NOC4L: variants seen among roughly 807,000 people sequenced by gnomAD.
The protein encoded by NOC4L is nucleolar complex protein 4 homolog.
Under a neutral mutation model 62.8 loss-of-function variants are expected in NOC4L, and 40 were observed. That is an observed-to-expected ratio of 0.64 (90% CI 0.49 to 0.83). The LOEUF (loss-of-function observed/expected upper bound fraction) is 0.83. NOC4L is among the 40% of genes least tolerant of loss of function. The probability of loss-of-function intolerance (pLI) is 0.00; values close to 1 mark genes in which losing one functional copy is unlikely to be tolerated. For synonymous variants in NOC4L, 433 were observed against 299.8 expected (o/e 1.44, Z -4.59); for missense variants, 927 against 701.9 (o/e 1.32, Z -3.62).
rs1185193633 is a variant in NOC4L at position 132,151,321 on chromosome 12, G to C, written c.1026G>C (p.Lys342Asn). The C allele has an allele frequency of 1.9e-6, 3 of 1,611,802 alleles. No individual in the cohort carries two copies. The highest frequency in any genetic ancestry group is 2.2e-5 in the South Asian group (2 of 91,088). Residue 342 changes from lysine (K) to asparagine (N), a missense_variant, in exon 11 of 15, where the codon AAG becomes AAC. Physicochemically the swap from Lys to Asn is moderately conservative, Grantham distance 94. Transcript: ENST00000330579. The stretch of plus-strand genomic sequence containing the variant: ...TGGACCCCTCTGTCTTTCACGTCAA[G>C]TACCGCGCCCGCTTCTTCCACCTGG... ...GLLDPSVFHV[K>N]YRARFFHLAD...
chr12:132,151,921 G>A (rs1171501415), intron 13 of NOC4L, 101 bp downstream of exon 13: 19 of 1,319,342 alleles, frequency 1.4e-5, no homozygotes, highest in Middle Eastern at 2.3e-4. Context: ...CTCATGTTGC[G>A]TCCCCAGCTG....
rs371477600 is a variant in NOC4L at position 132,151,560 on chromosome 12, C to T, written c.1150C>T (p.Leu384=). The part of the protein sequence containing the change: ...RLALTAPPEA[L]LMVLPFICNL... ...GGCCCTGACGGCTCCCCCTGAGGCC[C>T]TGCTCATGGTCCTGCCTTTCATCTG... The change falls in exon 12 of 15, where the codon CTG becomes TTG. Residue 384 remains leucine, a synonymous_variant. Coordinates refer to ENST00000330579, the MANE Select transcript of NOC4L (RefSeq NM_024078.3). 1.9e-6 allele frequency: 3 copies of T among 1,610,334 alleles called. No individual in the cohort carries two copies. Among genetic ancestry groups the T allele is most frequent in the East Asian group, 2.2e-5 (1 of 44,818 alleles).
At chr12:132,145,202 TTTGCACCCCTTTTGTAA>T (rs1897662919) in intron 2 of NOC4L, among the ~76,000 whole-genome samples, 2 of 152,318 alleles carry the variant, frequency 1.3e-5, no homozygotes, top group East Asian at 3.9e-4. Context: ...TTTTGTGTGC[TTTGCACCCCTTTTGTAA>T]TTTGATGTTG....
Position 132,145,548 on chromosome 12 carries a change from C to A in NOC4L, c.239-11C>A. On this transcript the variant is annotated splice_polypyrimidine_tract_variant and intron_variant, in intron 2 of 14. Transcript: ENST00000330579. The stretch of plus-strand genomic sequence containing the variant: ...GCCTCACGTGGGCTGACCACCCTAA[C>A]CTGTCTGCAGGGTCCCAGGGAGCCA... 1 of 1,600,850 alleles carries A rather than the reference C, an allele frequency of 6.2e-7. No individual in the cohort carries two copies. The highest frequency in any genetic ancestry group is 8.5e-7 in the Non-Finnish European group (1 of 1,170,234).
intron 3 of NOC4L, chr12:132,146,427 C>A: frequency 2.3e-6 from 1 of 442,686 alleles, no homozygotes; most frequent in Admixed American, 2.4e-5. Context: ...GGACTGTGAA[C>A]GTTCGCGTAC....
rs779791527 is a variant in NOC4L at position 132,151,564 on chromosome 12, T to A, written c.1154T>A (p.Leu385His). The change falls in exon 12 of 15, where the codon CTC (leucine) becomes CAC (histidine). Residue 385 changes from leucine (L) to histidine (H), a missense_variant. Transcript: ENST00000330579. ...LALTAPPEAL[L>H]MVLPFICNLL... is the part of the protein sequence containing the mutation. ...CTGACGGCTCCCCCTGAGGCCCTGCTCATGGTCCTGCCTTTCATCTGTAAC... is the reference window on the plus strand; with the variant it reads ...CTGACGGCTCCCCCTGAGGCCCTGCACATGGTCCTGCCTTTCATCTGTAAC... 1.9e-6 allele frequency: 3 copies of A among 1,610,604 alleles called. No homozygotes were observed. In the South Asian group the frequency reaches 3.3e-5, roughly 18 times the overall value.
intron 7 of NOC4L, 72 bp from the exon 8 acceptor site, chr12:132,148,537 G>T: frequency 4.6e-6 from 7 of 1,514,930 alleles, no homozygotes; most frequent in Non-Finnish European, 6.3e-6. Context: ...GGGCTTCGGG[G>T]TGCCCTGGCA....
In NOC4L at chr12:132,152,366, G is replaced by T; in HGVS notation, c.1516G>T (p.Gly506Cys). The T allele has an allele frequency of 6.3e-7, 1 of 1,576,638 alleles. No individual in the cohort carries two copies. Among genetic ancestry groups the T allele is most frequent in the Admixed American group, 1.8e-5 (1 of 56,586 alleles). ...IPAQGLLGRP[G>C]ELCAQHFTLS ...AGCCCAGGGCCTGCTGGGACGGCCGGGTGAACTCTGTGCCCAGCACTTCAC... is the reference window on the plus strand; with the variant it reads ...AGCCCAGGGCCTGCTGGGACGGCCGTGTGAACTCTGTGCCCAGCACTTCAC... The change falls in exon 15 of 15, where the codon GGT becomes TGT. Residue 506 changes from glycine (G) to cysteine (C), a missense_variant. Physicochemically the swap from Gly to Cys is radical, Grantham distance 159 (BLOSUM62 -3). Transcript: ENST00000330579.
In NOC4L at chr12:132,151,757, C is replaced by T. The variant is rs558810396; in HGVS notation, c.1254C>T (p.Tyr418=). 7.1e-5 allele frequency: 115 copies of T among 1,612,248 alleles called. No individual in the cohort carries two copies. The highest frequency in any genetic ancestry group is 9.2e-5 in the Non-Finnish European group (109 of 1,179,832). Residue 418 remains tyrosine, a synonymous_variant, in exon 13 of 15, where the codon TAC becomes TAT. Coordinates refer to ENST00000330579, the MANE Select transcript of NOC4L (RefSeq NM_024078.3). ...PHGPELDADP[Y]DPGEEDPAQS... Reference sequence around the variant, plus strand: ...TCCTAGAGTTGGACGCCGACCCCTACGACCCTGGAGAGGAGGACCCAGCCC... The same window carrying T: ...TCCTAGAGTTGGACGCCGACCCCTATGACCCTGGAGAGGAGGACCCAGCCC...
chr12:132,148,139 C>G (rs114323962), intron 7 of NOC4L, 33 bp downstream of exon 7: 30 of 1,610,810 alleles, frequency 1.9e-5, no homozygotes, highest in Non-Finnish European at 8.5e-6. Context: ...GGCACCCTCC[C>G]GGGTTTGGGG....
chr12:132,144,844 T>C lies in NOC4L; in HGVS notation c.118-10T>C, dbSNP rs1243341508. On this transcript the variant is annotated splice_polypyrimidine_tract_variant and intron_variant, in intron 1 of 14. Transcript: ENST00000330579. ...GGCGGCCGGGCACCCTGCCGCCGCC[T>C]CTCCTGCAGTCTGAGGACCAGGAGG... 3 of 1,596,766 alleles carry C rather than the reference T, an allele frequency of 1.9e-6. No individual in the cohort carries two copies. The highest frequency in any genetic ancestry group is 2.6e-6 in the Non-Finnish European group (3 of 1,173,966).
chr12:132,145,364 G>A (rs1897673374), intron 2 of NOC4L, among the ~76,000 whole-genome samples, 195 bp from the exon 3 acceptor site: 1 of 152,196 alleles, frequency 6.6e-6, no homozygotes, highest in African/African-American at 2.4e-5. Flanking sequence ...TGGGGTAGGA[G>A]GTGCTCTTCC....
rs1897818002 is a variant in NOC4L at position 132,148,656 on chromosome 12, C to T, written c.786C>T (p.His262=). 2.0e-6 allele frequency: 3 copies of T among 1,489,218 alleles called. No individual in the cohort carries two copies. Among genetic ancestry groups the T allele is most frequent in the Non-Finnish European group, 2.7e-6 (3 of 1,104,628 alleles). 92.3% of individuals were successfully genotyped at this position (1,489,218 alleles called of 1,614,324 possible). The stretch of plus-strand genomic sequence containing the variant: ...CCATGTGGCTCAGCTTCCTCAAGCA[C>T]AAGGTAGGGGCCAGGCCGGGGAGGG... ...FQAMWLSFLK[H]KLPLSLYKKV... is the part of the protein sequence containing the mutation. The change falls in exon 8 of 15, where the codon CAC becomes CAT. Residue 262 remains histidine, a synonymous_variant. Transcript: ENST00000330579.
chr12:132,147,506 G>A, intron 4 of NOC4L, 118 bp downstream of exon 4: 4 of 1,451,660 alleles, frequency 2.8e-6, no homozygotes, highest in Non-Finnish European at 1.9e-6. Flanking sequence ...GGACACTCCT[G>A]TGGCTCCTGT....
chr12:132,145,517 A>C, intron 2 of NOC4L, 42 bp from the exon 3 acceptor site: 1 of 1,350,338 alleles, frequency 7.4e-7, no homozygotes, highest in Non-Finnish European at 1.1e-6. Flanking sequence ...AGGGTGGCGT[A>C]TGTGGGCCTC....
chr12:132,152,194 C>T lies in NOC4L; in HGVS notation c.1428C>T (p.Tyr476=), dbSNP rs781501863. 70 of 1,611,496 alleles carry T rather than the reference C, an allele frequency of 4.3e-5. No individual in the cohort carries two copies. Among genetic ancestry groups the T allele is most frequent in the South Asian group, 5.5e-5 (5 of 90,954 alleles). The change falls in exon 14 of 15, where the codon TAC becomes TAT. Residue 476 remains tyrosine, a synonymous_variant. Transcript: ENST00000330579. ...SIAPLLELTA[Y]EIFERDLKKK... ...CGCCACTGCTGGAGCTCACGGCCTA[C>T]GAGGTGCGGAACTGGGCCAGGGTGC...
intron 9 of NOC4L, among the ~76,000 whole-genome samples, chr12:132,149,608 C>G (rs370408317): frequency 0.022 from 74 of 3,292 alleles, no homozygotes; most frequent in Non-Finnish European, 0.044. Context: ...CGGTGAGTGC[C>G]GCCGCCTCGC....
At chr12:132,146,286 A>G (rs1296575171) in intron 3 of NOC4L, 1 of 455,926 alleles carries the variant, frequency 2.2e-6, no homozygotes, top group Non-Finnish European at 4.4e-6. Flanking sequence ...TCTTCCACTC[A>G]TCGGCGTGTT....
intron 3 of NOC4L, among the ~76,000 whole-genome samples, chr12:132,146,960 G>A (rs1897747640): frequency 6.6e-6 from 1 of 152,208 alleles, no homozygotes. Context: ...TGTTCCCAAG[G>A]GTTATGGTGG....
Sources: allele counts gnomAD v4.1 joint callset (sites outside exome capture counted in the v4.1 genomes callset), GRCh38; gene constraint gnomAD v4.1.1; transcripts MANE v1.5; gene names NCBI Gene and HGNC (gene_info 2026-07-23, HGNC 2026-07-21).